Variants in ACTR3C observed in about 807,000 individuals in gnomAD.
The protein encoded by ACTR3C is actin related protein 3C.
In ACTR3C, 18 loss-of-function variants were observed where a neutral mutation model predicts 26.3. That is an observed-to-expected ratio of 0.68 (90% CI 0.47 to 1.01). The LOEUF (loss-of-function observed/expected upper bound fraction) is 1.01. Among genes scored for constraint, ACTR3C ranks in the 50% least tolerant of loss-of-function variants. The pLI, the probability that ACTR3C is intolerant of heterozygous loss-of-function variation, is 0.00. For missense variants in ACTR3C, 184 were observed against 250.7 expected (o/e 0.73, Z 1.80); for synonymous variants, 55 against 94.5 (o/e 0.58, Z 2.42).
the ACTR3C span, among the ~76,000 whole-genome samples, chr7:150,077,157 C>T: frequency 7.6e-6 from 1 of 131,298 alleles, no homozygotes; most frequent in Non-Finnish European, 1.7e-5. Context: ...AAGAGTGAAA[C>T]TCTGTCAAAA....
the ACTR3C span, among the ~76,000 whole-genome samples, chr7:149,940,283 T>C: frequency 1.2e-3 from 189 of 152,072 alleles, 2 homozygotes; most frequent in Admixed American, 3.3e-3. Context: ...TAAGCAATTA[T>C]ATGTGTTTGT....
the ACTR3C span, among the ~76,000 whole-genome samples, chr7:150,135,099 C>T: frequency 6.6e-6 from 1 of 152,124 alleles, no homozygotes; most frequent in Non-Finnish European, 1.5e-5. Flanking sequence ...GGTGAAACCC[C>T]GTTTCTACTA....
chr7:150,150,516 C>A, the ACTR3C span, among the ~76,000 whole-genome samples: 3 of 144,842 alleles, frequency 2.1e-5, no homozygotes, highest in Admixed American at 6.9e-5. Flanking sequence ...TGAGTGCATT[C>A]CTAGTAAATG....
chr7:150,096,591 G>A, the ACTR3C span, among the ~76,000 whole-genome samples: 4 of 150,516 alleles, frequency 2.7e-5, 1 homozygote, highest in African/African-American at 7.4e-5. Flanking sequence ...CATCCTAAAG[G>A]CTTGCTGGAC....
At chr7:150,256,295 G>T (rs1489651417) in intron 6 of ACTR3C, among the ~76,000 whole-genome samples, 1 of 152,246 alleles carries the variant, frequency 6.6e-6, no homozygotes, top group African/African-American at 2.4e-5. Flanking sequence ...ACCCAGTAAT[G>T]GGACTGCTGG....
At chr7:150,239,538 C>CTA (rs1421039729), downstream of ACTR3C, among the ~76,000 whole-genome samples, 3,582 of 103,782 alleles carry the variant, frequency 0.035, 64 homozygotes, top group Admixed American at 0.059. Flanking sequence ...CTCTCTCTCT[C>CTA]TCTATATATA....
At chr7:150,024,410 G>A in the ACTR3C span, among the ~76,000 whole-genome samples, 7 of 151,304 alleles carry the variant, frequency 4.6e-5, no homozygotes, top group Admixed American at 2.0e-4. Context: ...TGGGTCCCCC[G>A]GCTCTCTCTG....
the ACTR3C span, among the ~76,000 whole-genome samples, chr7:150,038,008 T>TC: frequency 1.1e-4 from 14 of 130,582 alleles, no homozygotes; most frequent in Non-Finnish European, 1.5e-4. Context: ...GGGAATTGCC[T>TC]CCCCCCCTGC....
At chr7:150,315,626 A>C (rs1796790872) in intron 1 of ACTR3C, among the ~76,000 whole-genome samples, 1 of 152,166 alleles carries the variant, frequency 6.6e-6, no homozygotes, top group Non-Finnish European at 1.5e-5. Flanking sequence ...AAAAGGTAAA[A>C]CTGAGCTCAC....
the ACTR3C span, among the ~76,000 whole-genome samples, chr7:150,077,054 A>G: frequency 2.3e-4 from 35 of 152,102 alleles, no homozygotes; most frequent in Admixed American, 2.3e-3. Context: ...AATTCCAGCT[A>G]CTTGGGAGGC....
At chr7:149,933,463 T>C in the ACTR3C span, among the ~76,000 whole-genome samples, 17 of 152,210 alleles carry the variant, frequency 1.1e-4, no homozygotes, top group Non-Finnish European at 1.9e-4. Flanking sequence ...TATGTCTCTC[T>C]AACACATAAT....
intron 3 of ACTR3C, among the ~76,000 whole-genome samples, chr7:150,290,066 C>G (rs1584939572): frequency 6.6e-6 from 1 of 152,182 alleles, no homozygotes; most frequent in East Asian, 1.9e-4. Context: ...CAAATCCCAG[C>G]TCCACATTTG....
chr7:149,994,596 C>T, the ACTR3C span, among the ~76,000 whole-genome samples: 7 of 151,732 alleles, frequency 4.6e-5, no homozygotes, highest in Non-Finnish European at 1.0e-4. Context: ...AGTGGAACTC[C>T]ATCTCAAAAG....
chr7:150,048,448 G>A, the ACTR3C span, among the ~76,000 whole-genome samples: 1 of 152,240 alleles, frequency 6.6e-6, no homozygotes, highest in African/African-American at 2.4e-5. Context: ...GCGTGAAGAG[G>A]GTGGAGGGGC....
chr7:150,149,130 T>TATATATATATATATA, the ACTR3C span, among the ~76,000 whole-genome samples: 1 of 135,666 alleles, frequency 7.4e-6, no homozygotes, highest in Non-Finnish European at 1.6e-5. Flanking sequence ...TATATATGCA[T>TATATATATATATATA]TGGCCATTTG....
the ACTR3C span, among the ~76,000 whole-genome samples, chr7:150,071,824 A>G: frequency 6.6e-6 from 1 of 151,342 alleles, no homozygotes; most frequent in Non-Finnish European, 1.5e-5. Context: ...ACACAGTGTC[A>G]GGGGTCAGAG....
chr7:150,312,577 A>G (rs554716955), intron 1 of ACTR3C, among the ~76,000 whole-genome samples: 12 of 152,290 alleles, frequency 7.9e-5, no homozygotes, highest in African/African-American at 2.9e-4. Flanking sequence ...TTATTAGGGC[A>G]ATTCCAAACT....
chr7:150,159,833 C>T, the ACTR3C span, among the ~76,000 whole-genome samples: 1 of 152,154 alleles, frequency 6.6e-6, no homozygotes, highest in Non-Finnish European at 1.5e-5. Flanking sequence ...GAGTCTCGCT[C>T]TGTGGCCCAG....
chr7:150,027,816 C>A, the ACTR3C span, among the ~76,000 whole-genome samples: 1 of 151,900 alleles, frequency 6.6e-6, no homozygotes, highest in African/African-American at 2.4e-5. Flanking sequence ...TGCTTAATTC[C>A]AAATAAGAAT....
Sources: allele counts gnomAD v4.1 joint callset (sites outside exome capture counted in the v4.1 genomes callset), GRCh38; gene constraint gnomAD v4.1.1; transcripts MANE v1.5; gene names NCBI Gene and HGNC (gene_info 2026-07-23, HGNC 2026-07-21).